Variants in FHIT observed in about 807,000 individuals in gnomAD.
FHIT encodes the protein fragile histidine triad diadenosine triphosphatase, also known as bis(5'-adenosyl)-triphosphatase.
A neutral mutation model predicts 17.9 loss-of-function variants in FHIT; 19 were observed. That is an observed-to-expected ratio of 1.06 (90% confidence interval 0.74 to 1.56). FHIT has a LOEUF of 1.56. FHIT is among the 40% of genes most tolerant of loss of function. The probability of loss-of-function intolerance (pLI) is 0.00; values close to 1 mark genes in which losing one functional copy is unlikely to be tolerated. For missense variants in FHIT, 248 were observed against 189.2 expected (o/e 1.31, Z -1.82); for synonymous variants, 81 against 69.7 (o/e 1.16, Z -0.81).
chr3:59,861,666 C>A (rs1261736635), intron 8 of FHIT, among the ~76,000 whole-genome samples: 3 of 152,164 alleles, frequency 2.0e-5, no homozygotes, highest in Non-Finnish European at 2.9e-5. Flanking sequence ...TATGCAGATA[C>A]TCTACTGAAA....
intron 5 of FHIT, among the ~76,000 whole-genome samples, chr3:60,274,185 ACT>A (rs2107633365): frequency 6.6e-6 from 1 of 152,040 alleles, no homozygotes; most frequent in Admixed American, 6.5e-5. Context: ...ATATCAGATA[ACT>A]CTCTTTCACA....
At chr3:59,807,273 C>T (rs780558700) in intron 8 of FHIT, among the ~76,000 whole-genome samples, 7 of 152,182 alleles carry the variant, frequency 4.6e-5, no homozygotes, top group Non-Finnish European at 1.0e-4. Flanking sequence ...TCACACATTG[C>T]GGGTTGGGGT....
intron 2 of FHIT, among the ~76,000 whole-genome samples, chr3:61,189,653 T>C (rs1335517611): frequency 6.6e-6 from 1 of 152,210 alleles, no homozygotes; most frequent in East Asian, 1.9e-4. Context: ...AGAACAAAGC[T>C]GGAGGCATCA....
intron 2 of FHIT, among the ~76,000 whole-genome samples, chr3:61,097,823 A>C (rs1290147983): frequency 3.3e-5 from 5 of 151,890 alleles, no homozygotes; most frequent in Admixed American, 2.6e-4. Context: ...AAATTTGTTT[A>C]AGTTCCTTAT....
In FHIT at chr3:61,210,450, C is replaced by T. The variant is rs190670526; in HGVS notation, c.-212-9785G>A. ...AGGCCTCCTTGAGCTGTGGTGGGAT[C>T]CACCCAGAGCGAGCTTCCTGGTCTC... On this transcript the variant is annotated intron_variant, in intron 1 of 9. Coordinates refer to ENST00000492590, the MANE Select transcript of FHIT (RefSeq NM_002012.4). Among the ~76,000 whole-genome samples the T allele has an allele frequency of 1.0e-3, 154 of 152,334 alleles. 1 individual carries two copies. The highest frequency in any genetic ancestry group is 3.4e-3 in the Middle Eastern group (1 of 294).
chr3:60,635,521 G>C (rs965453312), intron 4 of FHIT, among the ~76,000 whole-genome samples: 7 of 152,050 alleles, frequency 4.6e-5, no homozygotes, highest in Non-Finnish European at 1.0e-4. Context: ...TGTCTTCATA[G>C]TTTTATAGGA....
At chr3:61,042,494 T>A (rs964329196) in intron 2 of FHIT, among the ~76,000 whole-genome samples, 1 of 152,192 alleles carries the variant, frequency 6.6e-6, no homozygotes, top group Non-Finnish European at 1.5e-5. Flanking sequence ...TATATGAGAA[T>A]TGATCACATA....
intron 8 of FHIT, among the ~76,000 whole-genome samples, chr3:59,762,427 A>G (rs964097736): frequency 4.6e-5 from 7 of 152,134 alleles, no homozygotes; most frequent in African/African-American, 1.7e-4. Context: ...CCCATTTTCC[A>G]CATAAAACAA....
chr3:60,543,672 C>A (rs924530574), intron 4 of FHIT, among the ~76,000 whole-genome samples: 4 of 152,084 alleles, frequency 2.6e-5, no homozygotes, highest in Non-Finnish European at 5.9e-5. Flanking sequence ...GATTTTTCTA[C>A]GTTCTTATAG....
At chr3:61,044,724 G>T (rs1463026294) in intron 2 of FHIT, among the ~76,000 whole-genome samples, 1 of 152,146 alleles carries the variant, frequency 6.6e-6, no homozygotes, top group Non-Finnish European at 1.5e-5. Context: ...ATTAAGGGCA[G>T]CCAGAGAGAA....
intron 5 of FHIT, among the ~76,000 whole-genome samples, chr3:60,089,360 A>C (rs1242493882): frequency 1.3e-5 from 2 of 152,202 alleles, no homozygotes; most frequent in Admixed American, 6.5e-5. Flanking sequence ...ATAAACTATG[A>C]GTTCTGTGGG....
At chr3:60,507,841 A>G (rs974257649) in intron 5 of FHIT, among the ~76,000 whole-genome samples, 5 of 152,178 alleles carry the variant, frequency 3.3e-5, no homozygotes, top group African/African-American at 1.2e-4. Flanking sequence ...ATGTCCTTGT[A>G]AAGGACATGA....
intron 4 of FHIT, among the ~76,000 whole-genome samples, chr3:60,793,934 C>G (rs139596687): frequency 3.7e-4 from 56 of 152,244 alleles, no homozygotes; most frequent in African/African-American, 1.1e-3. Flanking sequence ...GGGCAGGGCT[C>G]ACAGATATGT....
At chr3:60,861,686 T>A (rs1399839584) in intron 3 of FHIT, among the ~76,000 whole-genome samples, 6 of 152,006 alleles carry the variant, frequency 3.9e-5, no homozygotes, top group Non-Finnish European at 8.8e-5. Context: ...CCAGCCCAGT[T>A]TTTTTAGGAG....
intron 5 of FHIT, among the ~76,000 whole-genome samples, chr3:60,180,217 G>A (rs1346743302): frequency 4.6e-5 from 7 of 152,118 alleles, no homozygotes; most frequent in Non-Finnish European, 7.4e-5. Context: ...GGAAGATCAC[G>A]GGCAGCAAAG....
intron 5 of FHIT, among the ~76,000 whole-genome samples, chr3:60,404,962 T>C (rs1701796870): frequency 6.6e-6 from 1 of 152,126 alleles, no homozygotes; most frequent in African/African-American, 2.4e-5. Flanking sequence ...GCAGCAGAAA[T>C]CCTATAATAT....
At chr3:60,709,909 G>A (rs1217543245) in intron 4 of FHIT, among the ~76,000 whole-genome samples, 1 of 151,932 alleles carries the variant, frequency 6.6e-6, no homozygotes, top group African/African-American at 2.4e-5. Context: ...ATTATAGTTT[G>A]TCTTTCAATG....
intron 2 of FHIT, chr3:61,167,086 C>T (rs1390866468): frequency 2.6e-5 from 4 of 152,128 alleles, no homozygotes; most frequent in Non-Finnish European, 5.9e-5. Flanking sequence ...CACAGAAAAT[C>T]TAATGTGAAA....
intron 5 of FHIT, among the ~76,000 whole-genome samples, chr3:60,219,233 A>T (rs1703845103): frequency 6.6e-6 from 1 of 151,978 alleles, no homozygotes; most frequent in Non-Finnish European, 1.5e-5. Flanking sequence ...GCCCCTCGTA[A>T]TCCTTCTGTG....
Sources: gnomAD v4.1 joint callset for allele counts (sites outside exome capture counted in the v4.1 genomes callset) on GRCh38, gnomAD v4.1.1 for gene constraint, MANE v1.5 for transcripts, NCBI Gene and HGNC (gene_info 2026-07-23, HGNC 2026-07-21) for gene names.